PCDH9: variants seen among roughly 807,000 people sequenced by gnomAD.
The protein encoded by PCDH9 is protocadherin 9.
PCDH9 carries 24 observed loss-of-function variants against 70.6 expected under a neutral mutation model. The ratio of observed to expected loss-of-function variants is 0.34; its 90% confidence interval spans 0.25 to 0.48. The LOEUF is 0.48. PCDH9 is among the 20% of genes least tolerant of loss of function. PCDH9 has a pLI of 0.99. For missense variants in PCDH9, 1,281 were observed against 1,503.6 expected, an observed-to-expected ratio of 0.85 and a Z score of 2.45; for synonymous variants, 562 against 558.5, an observed-to-expected ratio of 1.01 and a Z score of -0.09.
At chr13:66,742,559 C>T (rs1462508173) in intron 3 of PCDH9, among the ~76,000 whole-genome samples, 1 of 146,090 alleles carries the variant, frequency 6.8e-6, no homozygotes, top group African/African-American at 2.6e-5. Context: ...AACAGGTAAC[C>T]TACAACATGG....
At chr13:67,078,955 A>T (rs2085931712) in intron 2 of PCDH9, among the ~76,000 whole-genome samples, 1 of 152,178 alleles carries the variant, frequency 6.6e-6, no homozygotes, top group African/African-American at 2.4e-5. Flanking sequence ...CAAATCAGAA[A>T]CTAAGAAAAT....
At chr13:67,002,072 A>G (rs966204048) in intron 2 of PCDH9, 8 of 152,206 alleles carry the variant, frequency 5.3e-5, no homozygotes, top group African/African-American at 1.9e-4. Context: ...AGCTAGTTAG[A>G]TTCTCTTGTA....
intron 2 of PCDH9, among the ~76,000 whole-genome samples, chr13:67,175,627 A>C (rs2088429245): frequency 6.6e-6 from 1 of 152,102 alleles, no homozygotes; most frequent in Non-Finnish European, 1.5e-5. Context: ...GGATTTGGGG[A>C]GTATCTTAGA....
intron 4 of PCDH9, among the ~76,000 whole-genome samples, chr13:66,320,387 A>C (rs1955732546): frequency 6.6e-6 from 1 of 152,066 alleles, no homozygotes; most frequent in East Asian, 1.9e-4. Flanking sequence ...GATACTGCTT[A>C]GGATGTCAGT....
intron 4 of PCDH9, among the ~76,000 whole-genome samples, chr13:66,376,755 ATAC>A (rs1245452266): frequency 6.6e-6 from 1 of 152,218 alleles, no homozygotes; most frequent in Non-Finnish European, 1.5e-5. Context: ...TGAATGAATT[ATAC>A]TACTATTAGG....
intron 2 of PCDH9, among the ~76,000 whole-genome samples, chr13:66,965,654 G>T (rs961105133): frequency 6.6e-6 from 1 of 151,778 alleles, no homozygotes; most frequent in South Asian, 2.1e-4. Flanking sequence ...ATTATTAATT[G>T]ATTGCAGAAG....
At chr13:66,420,892 A>G (rs1238346034) in intron 4 of PCDH9, among the ~76,000 whole-genome samples, 1 of 152,118 alleles carries the variant, frequency 6.6e-6, no homozygotes, top group African/African-American at 2.4e-5. Context: ...CCTCTGAGCT[A>G]AAGGAGCATG....
intron 4 of PCDH9, among the ~76,000 whole-genome samples, chr13:66,537,071 A>G (rs1333128113): frequency 1.3e-5 from 2 of 152,134 alleles, no homozygotes; most frequent in Non-Finnish European, 2.9e-5. Flanking sequence ...ATAGACCTCA[A>G]TTTTGGAAAG....
At chr13:66,366,237 T>C (rs1956552796) in intron 4 of PCDH9, among the ~76,000 whole-genome samples, 2 of 152,074 alleles carry the variant, frequency 1.3e-5, no homozygotes, top group African/African-American at 4.8e-5. Context: ...CCCCAAATGC[T>C]ATTATTCTCA....
chr13:66,759,223 C>A (rs186695323), intron 3 of PCDH9, among the ~76,000 whole-genome samples: 1 of 152,092 alleles, frequency 6.6e-6, no homozygotes, highest in East Asian at 1.9e-4. Context: ...GAATTGGACC[C>A]TTTATAATTA....
intron 3 of PCDH9, among the ~76,000 whole-genome samples, chr13:66,642,380 T>G (rs928295875): frequency 2.0e-5 from 3 of 152,010 alleles, no homozygotes; most frequent in Non-Finnish European, 4.4e-5. Context: ...TAACAAAAAA[T>G]TATTTGTTTA....
At position 66,396,206 on chromosome 13, in the gene PCDH9, C is replaced by T. The variant is rs192068375; in HGVS notation, c.3341-91178G>A. Among the ~76,000 whole-genome samples the T allele has an allele frequency of 2.0e-4, 30 of 152,220 alleles. No individual in the cohort carries two copies. In the East Asian group the frequency reaches 5.0e-3, roughly 26 times the overall value. On this transcript the variant is annotated intron_variant, in intron 4 of 4. Transcript: ENST00000377865. ...TACACATACCCAGTGCTTCTTGCCTCTCAAGAAATATCAGAATATTAGGAG... is the reference window on the plus strand; with the variant it reads ...TACACATACCCAGTGCTTCTTGCCTTTCAAGAAATATCAGAATATTAGGAG...
chr13:67,185,924 G>T (rs2088747158), intron 2 of PCDH9, among the ~76,000 whole-genome samples: 3 of 152,010 alleles, frequency 2.0e-5, no homozygotes, highest in African/African-American at 4.8e-5. Context: ...TAGAGACAGG[G>T]TTTCTCCAAG....
rs184777003 is a variant in PCDH9 at position 66,374,147 on chromosome 13, A to G, written c.3341-69119T>C. Among the ~76,000 whole-genome samples, 45 of 152,190 alleles carry G rather than the reference A, an allele frequency of 3.0e-4. No individual in the cohort carries two copies. The East Asian group carries it at 8.3e-3, about 28-fold the overall frequency. On this transcript the variant is annotated intron_variant, in intron 4 of 4. Transcript: ENST00000377865. ...GCATTGTGATCAATGCTGAGAACAAAGGAGATAATATAGACTCAAAAATCT... is the reference window on the plus strand; with the variant it reads ...GCATTGTGATCAATGCTGAGAACAAGGGAGATAATATAGACTCAAAAATCT...
At chr13:66,493,007 G>T (rs1397359213) in intron 4 of PCDH9, among the ~76,000 whole-genome samples, 1 of 151,908 alleles carries the variant, frequency 6.6e-6, no homozygotes, top group Non-Finnish European at 1.5e-5. Flanking sequence ...ACCACCTGTG[G>T]GAAGACCCTA....
At chr13:67,124,383 A>C (rs977480832) in intron 2 of PCDH9, among the ~76,000 whole-genome samples, 4 of 152,224 alleles carry the variant, frequency 2.6e-5, no homozygotes, top group Non-Finnish European at 5.9e-5. Flanking sequence ...GTGAATACCC[A>C]ATATGTATGC....
rs1185055569 is a variant in PCDH9, at chr13:66,779,849, C to CTATATATATA, written c.3138+123645_3138+123654dup. ...TCTCTCTCTCTCTCTCTCTCTCTCT[C>CTATATATATA]TATATATATATATATATACATATAT... On this transcript the variant is annotated intron_variant, in intron 3 of 4. Transcript: ENST00000377865. Among the ~76,000 whole-genome samples the CTATATATATA allele has an allele frequency of 9.3e-3, 732 of 78,840 alleles. 12 individuals carry two copies. The highest frequency in any genetic ancestry group is 0.019 in the South Asian group (28 of 1,512). 51.7% of individuals were successfully genotyped at this position (78,840 alleles called of 152,430 possible).
chr13:66,959,524 G>A (rs2083312348), intron 2 of PCDH9, among the ~76,000 whole-genome samples: 1 of 152,004 alleles, frequency 6.6e-6, no homozygotes, highest in Non-Finnish European at 1.5e-5. Context: ...AGGCTCAGGT[G>A]GGAGGATTGC....
intron 2 of PCDH9, 42 bp from the exon 3 acceptor site, chr13:66,903,647 T>C: frequency 3.6e-6 from 3 of 834,210 alleles, no homozygotes; most frequent in Non-Finnish European, 4.1e-6. Flanking sequence ...CTACTCCACA[T>C]TTAGAGTGTC....
Sources: allele counts gnomAD v4.1 joint callset (sites outside exome capture counted in the v4.1 genomes callset), GRCh38; gene constraint gnomAD v4.1.1; transcripts MANE v1.5; gene names NCBI Gene and HGNC (gene_info 2026-07-23, HGNC 2026-07-21).